C10orf67: variants seen among roughly 807,000 people sequenced by gnomAD.
C10orf67 encodes the protein chromosome 10 open reading frame 67.
Under a neutral mutation model 35.6 loss-of-function variants are expected in C10orf67, and 60 were observed. That is an observed-to-expected ratio of 1.68 (90% CI 1.37 to 2.09). C10orf67 has a LOEUF of 2.09. Ranked by LOEUF, C10orf67 falls within the 30% of genes most tolerant of loss-of-function variation. C10orf67 has a pLI of 0.00. For missense variants in C10orf67, 474 were observed against 330.2 expected, an observed-to-expected ratio of 1.44 and a Z score of -3.38; for synonymous variants, 167 against 115.8, an observed-to-expected ratio of 1.44 and a Z score of -2.84.
chr10:23,341,039 A>G (rs1203532073), intron 1 of C10orf67, among the ~76,000 whole-genome samples: 1 of 152,234 alleles, frequency 6.6e-6, no homozygotes, highest in Non-Finnish European at 1.5e-5. Flanking sequence ...CATATTTCTC[A>G]GGGCTAAATA....
chr10:23,216,258 T>G (rs946157163), intron 15 of C10orf67, among the ~76,000 whole-genome samples: 2 of 152,098 alleles, frequency 1.3e-5, no homozygotes, highest in African/African-American at 2.4e-5. Context: ...TTAATAAACA[T>G]ATAAAGAATT....
chr10:23,272,916 T>C (rs762496117), intron 8 of C10orf67, among the ~76,000 whole-genome samples: 2 of 152,236 alleles, frequency 1.3e-5, no homozygotes, highest in Non-Finnish European at 2.9e-5. Context: ...TATTTTGCCA[T>C]GTTTATCCAT....
At chr10:23,281,854 C>A (rs537951081) in intron 8 of C10orf67, among the ~76,000 whole-genome samples, 159 bp downstream of exon 8, 66 of 152,088 alleles carry the variant, frequency 4.3e-4, no homozygotes, top group African/African-American at 1.6e-3. Flanking sequence ...TTAAAATGAC[C>A]ATTTACATAT....
At position 23,268,208 on chromosome 10, in the gene C10orf67, T is replaced by A. The variant is rs535426934; in HGVS notation, c.976-954A>T. 1.2e-4 allele frequency among the ~76,000 whole-genome samples: 19 copies of A among 152,240 alleles called. No homozygotes were observed. In the South Asian group the frequency reaches 3.3e-3, roughly 27 times the overall value. Reference sequence around the variant, plus strand: ...TACTCAGGTAGCTGAAGCAGGAGAATCGCTTGAGTCCAGGAGTTTGAGGTT... The same window carrying A: ...TACTCAGGTAGCTGAAGCAGGAGAAACGCTTGAGTCCAGGAGTTTGAGGTT... On this transcript the variant is annotated intron_variant, in intron 8 of 15. Transcript: ENST00000636213.
At chr10:23,235,824 C>T (rs112899017) in intron 13 of C10orf67, among the ~76,000 whole-genome samples, 188 of 152,212 alleles carry the variant, frequency 1.2e-3, no homozygotes, top group African/African-American at 4.4e-3. Flanking sequence ...AATTTAAAAA[C>T]TAACAATATT....
intron 10 of C10orf67, among the ~76,000 whole-genome samples, chr10:23,251,714 G>T (rs1372792516): frequency 6.6e-6 from 1 of 151,966 alleles, no homozygotes; most frequent in African/African-American, 2.4e-5. Flanking sequence ...TCGTAATAAT[G>T]GTCATATTAG....
rs1355407002 is a variant in C10orf67 at position 23,223,820 on chromosome 10, T to C, written c.1435-2A>G. The C allele has an allele frequency of 4.2e-6, 3 of 715,130 alleles. No individual in the cohort carries two copies. Among genetic ancestry groups the C allele is most frequent in the East Asian group, 5.4e-5 (2 of 37,248 alleles). 44.3% of individuals were successfully genotyped at this position (715,130 alleles called of 1,614,324 possible). On this transcript the variant is annotated splice_acceptor_variant, in intron 13 of 15. Coordinates refer to ENST00000636213, the MANE Select transcript of C10orf67 (RefSeq NM_001371909.1). LOFTEE classifies it high-confidence loss of function. ...CTGCACTAATAAGGGTTTTACTTTC[T>C]GAAAGACACAAAAGATATGTACTGT...
intron 7 of C10orf67, 126 bp from the exon 8 acceptor site, chr10:23,282,204 AAAAT>A (rs1843390460): frequency 2.7e-6 from 1 of 369,342 alleles, no homozygotes; most frequent in Non-Finnish European, 5.0e-6. Flanking sequence ...GATCAAAAGA[AAAAT>A]AAATTTCTAC....
At chr10:23,298,846 A>T (rs1057234851) in intron 5 of C10orf67, among the ~76,000 whole-genome samples, 3 of 152,216 alleles carry the variant, frequency 2.0e-5, no homozygotes, top group Admixed American at 1.3e-4. Context: ...CTAAAAGTAA[A>T]TCATCCATGT....
intron 12 of C10orf67, among the ~76,000 whole-genome samples, chr10:23,245,182 A>G (rs1842286160): frequency 6.6e-6 from 1 of 152,238 alleles, no homozygotes; most frequent in African/African-American, 2.4e-5. Context: ...TTAGACCCCT[A>G]TATTACACAG....
intron 4 of C10orf67, among the ~76,000 whole-genome samples, chr10:23,315,583 C>T (rs954443189): frequency 2.0e-5 from 3 of 151,920 alleles, no homozygotes; most frequent in African/African-American, 4.8e-5. Flanking sequence ...GGACCCTAGG[C>T]GCATGTCCCC....
intron 8 of C10orf67, among the ~76,000 whole-genome samples, chr10:23,272,147 G>A (rs1309724225): frequency 6.6e-6 from 1 of 152,146 alleles, no homozygotes; most frequent in East Asian, 1.9e-4. Flanking sequence ...GAACTCCTGG[G>A]CTCAAGCAAT....
chr10:23,237,012 C>T (rs1176951678), intron 13 of C10orf67, among the ~76,000 whole-genome samples: 1 of 152,124 alleles, frequency 6.6e-6, no homozygotes, highest in Non-Finnish European at 1.5e-5. Context: ...TAGTATCCGA[C>T]AGGTAGTTTT....
At chr10:23,336,727 C>T (rs535051030) in intron 1 of C10orf67, among the ~76,000 whole-genome samples, 60 of 151,908 alleles carry the variant, frequency 3.9e-4, no homozygotes, top group Non-Finnish European at 6.6e-4. Flanking sequence ...TTGGCCAGGC[C>T]GGTCTCAAAC....
chr10:23,302,749 G>A (rs916625456), intron 5 of C10orf67, among the ~76,000 whole-genome samples: 1 of 152,104 alleles, frequency 6.6e-6, no homozygotes, highest in African/African-American at 2.4e-5. Flanking sequence ...TCTTCTTTCT[G>A]CCTTCTCAGT....
chr10:23,344,793 T>G lies in C10orf67; in HGVS notation c.-19A>C. ...AGGCCATCATAAGAGGAGAGCAGGC[T>G]GCCTAATAAGCTGTCTCCACCTGCC... On this transcript the variant is annotated 5_prime_UTR_variant, in exon 1 of 16. Coordinates refer to ENST00000636213, the MANE Select transcript of C10orf67 (RefSeq NM_001371909.1). 1 of 1,546,992 alleles carries G rather than the reference T, an allele frequency of 6.5e-7. No homozygotes were observed. The highest frequency in any genetic ancestry group is 8.7e-7 in the Non-Finnish European group (1 of 1,143,752).
intron 15 of C10orf67, among the ~76,000 whole-genome samples, chr10:23,220,259 A>G (rs545094542): frequency 3.9e-5 from 6 of 152,320 alleles, no homozygotes; most frequent in African/African-American, 1.4e-4. Context: ...AGATTAAAAT[A>G]TAGATTTGCA....
At chr10:23,254,791 C>T in intron 10 of C10orf67, among the ~76,000 whole-genome samples, 1 of 152,128 alleles carries the variant, frequency 6.6e-6, no homozygotes, top group Non-Finnish European at 1.5e-5. Flanking sequence ...ATCATACCCT[C>T]ACATCTCTGT....
chr10:23,295,976 C>T lies in C10orf67; in HGVS notation c.703-4697G>A, dbSNP rs183065654. Among the ~76,000 whole-genome samples the T allele has an allele frequency of 4.6e-5, 7 of 152,230 alleles. No homozygotes were observed. In the East Asian group the frequency reaches 1.2e-3, roughly 25 times the overall value. On this transcript the variant is annotated intron_variant, in intron 5 of 15. Transcript: ENST00000636213. Reference sequence around the variant, plus strand: ...GCAAACATTTAAACCAGTTTAAATACGATCCTTTAGAATGGTTTGTGTTTG... The same window carrying T: ...GCAAACATTTAAACCAGTTTAAATATGATCCTTTAGAATGGTTTGTGTTTG...
Sources: allele counts gnomAD v4.1 joint callset (sites outside exome capture counted in the v4.1 genomes callset), GRCh38; gene constraint gnomAD v4.1.1; transcripts MANE v1.5; gene names NCBI Gene and HGNC (gene_info 2026-07-23, HGNC 2026-07-21).